ERBB4: variants seen among roughly 807,000 people sequenced by gnomAD.
The protein encoded by ERBB4 is receptor tyrosine-protein kinase erbB-4.
Under a neutral mutation model 158.0 loss-of-function variants are expected in ERBB4, and 42 were observed. The ratio of observed to expected loss-of-function variants is 0.27; its 90% CI spans 0.21 to 0.34. The LOEUF is 0.34. ERBB4 is among the 10% of genes least tolerant of loss of function. The pLI is 1.00. For missense variants in ERBB4, 1,333 were observed against 1,624.1 expected (o/e 0.82, Z 3.08); for synonymous variants, 583 against 558.7 (o/e 1.04, Z -0.61).
intron 4 of ERBB4, among the ~76,000 whole-genome samples, chr2:211,783,006 C>T (rs536209801): frequency 7.5e-4 from 93 of 123,706 alleles, no homozygotes; most frequent in African/African-American, 2.7e-3. Context: ...TATCCATGAG[C>T]GTGGAATGTT....
At chr2:212,351,599 C>A (rs1468438654) in intron 1 of ERBB4, among the ~76,000 whole-genome samples, 1 of 152,056 alleles carries the variant, frequency 6.6e-6, no homozygotes, top group African/African-American at 2.4e-5. Context: ...CTATGTGTAG[C>A]TGGGTAAATT....
chr2:212,055,653 T>C (rs1006310252), intron 2 of ERBB4, among the ~76,000 whole-genome samples: 3 of 152,226 alleles, frequency 2.0e-5, no homozygotes, highest in African/African-American at 4.8e-5. Flanking sequence ...CCACTGCTGA[T>C]ACCCAGGCGA....
At chr2:212,233,430 A>T (rs909174168) in intron 1 of ERBB4, among the ~76,000 whole-genome samples, 1 of 152,162 alleles carries the variant, frequency 6.6e-6, no homozygotes, top group East Asian at 1.9e-4. Flanking sequence ...TATTTTCAAA[A>T]TTTTAATTCC....
chr2:212,134,938 G>A (rs949728792), intron 1 of ERBB4, among the ~76,000 whole-genome samples: 3 of 151,820 alleles, frequency 2.0e-5, no homozygotes, highest in Non-Finnish European at 2.9e-5. Context: ...CGCCTGCCTC[G>A]GCCTCCCAAA....
At chr2:211,476,675 ATAT>A (rs1272341370) in intron 20 of ERBB4, among the ~76,000 whole-genome samples, 1 of 152,104 alleles carries the variant, frequency 6.6e-6, no homozygotes, top group African/African-American at 2.4e-5. Context: ...AGACAAGCAG[ATAT>A]TATGTTGAAT....
intron 1 of ERBB4, among the ~76,000 whole-genome samples, chr2:212,349,534 T>G (rs1255017778): frequency 6.6e-6 from 1 of 152,150 alleles, no homozygotes; most frequent in Non-Finnish European, 1.5e-5. Context: ...TCATAGTAAG[T>G]GCAGGGGTTA....
At chr2:211,995,133 T>C (rs2125264553) in intron 2 of ERBB4, among the ~76,000 whole-genome samples, 1 of 152,330 alleles carries the variant, frequency 6.6e-6, no homozygotes, top group East Asian at 1.9e-4. Flanking sequence ...ATTAATTTCT[T>C]ATTTTCTAGG....
intron 2 of ERBB4, among the ~76,000 whole-genome samples, chr2:212,014,385 T>A (rs537992909): frequency 6.6e-6 from 1 of 152,310 alleles, no homozygotes; most frequent in Admixed American, 6.5e-5. Context: ...AGTAAAACTA[T>A]TCACATAAAT....
intron 20 of ERBB4, among the ~76,000 whole-genome samples, chr2:211,468,393 T>C (rs1356425617): frequency 6.6e-6 from 1 of 152,146 alleles, no homozygotes; most frequent in African/African-American, 2.4e-5. Flanking sequence ...ATGATGACTA[T>C]GCCAACCCAT....
chr2:211,862,919 A>C (rs2106084753), intron 3 of ERBB4, among the ~76,000 whole-genome samples: 1 of 152,248 alleles, frequency 6.6e-6, no homozygotes, highest in East Asian at 1.9e-4. Flanking sequence ...GTGTCTAACT[A>C]AAGGATTGTA....
chr2:212,092,899 G>T (rs2078822587), intron 2 of ERBB4, among the ~76,000 whole-genome samples: 1 of 152,062 alleles, frequency 6.6e-6, no homozygotes, highest in South Asian at 2.1e-4. Context: ...CGTGGCACGT[G>T]TATACCAATG....
chr2:211,395,781 T>A (rs1001022185), intron 25 of ERBB4, among the ~76,000 whole-genome samples: 1 of 152,078 alleles, frequency 6.6e-6, no homozygotes, highest in African/African-American at 2.4e-5. Flanking sequence ...AGAGAAGAGA[T>A]ATGTTATCTA....
In ERBB4 at chr2:211,565,821, C is replaced by T. The variant is rs2067529594; in HGVS notation, c.2302-3733G>A. ...GAGAAAGGAGTGATAGAAGACCAAA[C>T]AAAAGAAGTAAGCTGGTAAAATGCT... On this transcript the variant is annotated intron_variant, in intron 19 of 27. Coordinates refer to ENST00000342788, the MANE Select transcript of ERBB4 (RefSeq NM_005235.3). Among the ~76,000 whole-genome samples the T allele has an allele frequency of 2.6e-5, 4 of 152,118 alleles. No homozygotes were observed. In the South Asian group the frequency reaches 8.3e-4, roughly 32 times the overall value.
rs539736587 is a variant in ERBB4 at position 211,429,025 on chromosome 2, T to A, written c.2644-542A>T. On this transcript the variant is annotated intron_variant, in intron 21 of 27. Transcript: ENST00000342788. ...CCCTGCTTGGTCATACTTATTTTTT[T>A]AAAAAAAAAGCTTTATAAACAATTA... Among the ~76,000 whole-genome samples the A allele has an allele frequency of 8.3e-4, 126 of 151,672 alleles. 1 individual carries two copies. The East Asian group carries it at 0.022, about 27-fold the overall frequency.
Position 212,071,651 on chromosome 2 carries a change from T to C in ERBB4, c.234+53101A>G, listed in dbSNP as rs541616699. ...TATTTATTCACGAGAAAGAATACTT[T>C]AACAACAGATGTACAAAGTATCTCA... is the stretch of plus-strand genomic sequence containing the variant. On this transcript the variant is annotated intron_variant, in intron 2 of 27. Transcript: ENST00000342788. Among the ~76,000 whole-genome samples the C allele has an allele frequency of 5.9e-5, 9 of 152,128 alleles. No homozygotes were observed. The East Asian group carries it at 1.7e-3, about 29-fold the overall frequency.
At chr2:212,203,827 T>G (rs536387600) in intron 1 of ERBB4, among the ~76,000 whole-genome samples, 1 of 152,280 alleles carries the variant, frequency 6.6e-6, no homozygotes, top group African/African-American at 2.4e-5. Context: ...CACCATTGCT[T>G]TCATCTTCCA....
At chr2:211,508,683 G>T (rs35695627) in intron 20 of ERBB4, among the ~76,000 whole-genome samples, 56,538 of 151,684 alleles carry the variant, frequency 0.37, 10,853 homozygotes, top group African/African-American at 0.46. Context: ...ACACATATGT[G>T]TATTCTACTA....
chr2:211,661,692 G>A (rs567217055), intron 15 of ERBB4, among the ~76,000 whole-genome samples: 1 of 152,048 alleles, frequency 6.6e-6, no homozygotes, highest in Non-Finnish European at 1.5e-5. Context: ...CTCTCTTGAT[G>A]TATAAAAATT....
chr2:211,721,793 A>G (rs1264020509), intron 7 of ERBB4, among the ~76,000 whole-genome samples: 1 of 152,014 alleles, frequency 6.6e-6, no homozygotes, highest in Non-Finnish European at 1.5e-5. Context: ...CACTTAACTA[A>G]TTACTTTTTT....
Sources: gnomAD v4.1 joint callset for allele counts (sites outside exome capture counted in the v4.1 genomes callset) on GRCh38, gnomAD v4.1.1 for gene constraint, MANE v1.5 for transcripts, NCBI Gene and HGNC (gene_info 2026-07-23, HGNC 2026-07-21) for gene names.